GRM5: variants seen among roughly 807,000 people sequenced by gnomAD.
The protein encoded by GRM5 is glutamate metabotropic receptor 5.
GRM5 carries 19 observed loss-of-function variants against 83.1 expected under a neutral mutation model. That is an observed-to-expected ratio of 0.23 (90% CI 0.16 to 0.34). The LOEUF (loss-of-function observed/expected upper bound fraction) is 0.34. Among genes scored for constraint, GRM5 ranks in the 10% least tolerant of loss-of-function variants. The pLI is 1.00. For synonymous variants in GRM5, 675 were observed against 633.6 expected (o/e 1.07, Z -0.98); for missense variants, 1,160 against 1,588.3 (o/e 0.73, Z 4.58).
At chr11:88,923,117 C>G (rs1045102313) in intron 2 of GRM5, among the ~76,000 whole-genome samples, 3 of 152,034 alleles carry the variant, frequency 2.0e-5, no homozygotes, top group African/African-American at 4.8e-5. Context: ...ATATAAATTA[C>G]TACCACCACT....
rs1938420582 is a variant in GRM5 at position 88,614,665 on chromosome 11, G to A, written c.1148-9701C>T. On this transcript the variant is annotated intron_variant, in intron 4 of 9. Transcript: ENST00000305447. ...TGAATGGGGACAATATTGACAATTT[G>A]CATTTGCTTGGCACTTTTCAACATA... is the stretch of plus-strand genomic sequence containing the variant. Among the ~76,000 whole-genome samples the A allele has an allele frequency of 3.3e-5, 5 of 152,226 alleles. No homozygotes were observed. In the South Asian group the frequency reaches 1.0e-3, roughly 32 times the overall value.
chr11:88,683,389 T>G (rs1302081538), intron 3 of GRM5, among the ~76,000 whole-genome samples: 2 of 152,254 alleles, frequency 1.3e-5, no homozygotes, highest in Non-Finnish European at 2.9e-5. Context: ...ATGTAAACTA[T>G]GCACATAGTC....
At chr11:88,791,915 T>C (rs1943180822) in intron 3 of GRM5, among the ~76,000 whole-genome samples, 1 of 152,154 alleles carries the variant, frequency 6.6e-6, no homozygotes, top group African/African-American at 2.4e-5. Context: ...TAATAATTTG[T>C]AACATCCCAT....
At chr11:89,042,482 C>G (rs1452529115) in intron 2 of GRM5, among the ~76,000 whole-genome samples, 1 of 152,160 alleles carries the variant, frequency 6.6e-6, no homozygotes, top group Non-Finnish European at 1.5e-5. Context: ...AGATTAAATG[C>G]TGGCCTGAGA....
intron 3 of GRM5, among the ~76,000 whole-genome samples, chr11:88,679,641 CT>C (rs1478194647): frequency 6.6e-6 from 1 of 152,044 alleles, no homozygotes; most frequent in African/African-American, 2.4e-5. Flanking sequence ...GGCTCAAATA[CT>C]TTTATACTTT....
At chr11:89,017,144 G>C (rs967662445) in intron 2 of GRM5, among the ~76,000 whole-genome samples, 3 of 151,942 alleles carry the variant, frequency 2.0e-5, no homozygotes, top group Admixed American at 2.0e-4. Flanking sequence ...CTAAGCAAAC[G>C]TTTGACTCCA....
intron 2 of GRM5, among the ~76,000 whole-genome samples, chr11:88,995,111 C>A (rs532406998): frequency 1.3e-5 from 2 of 152,060 alleles, no homozygotes; most frequent in Non-Finnish European, 2.9e-5. Context: ...AATGATGATA[C>A]TGAAACTAAG....
chr11:88,526,257 G>T (rs80001652), intron 8 of GRM5, among the ~76,000 whole-genome samples: 4 of 152,128 alleles, frequency 2.6e-5, no homozygotes, highest in Non-Finnish European at 5.9e-5. Flanking sequence ...ACTCTTCTAC[G>T]TGGTGCATCA....
At chr11:88,853,043 T>A (rs1033579896) in intron 2 of GRM5, among the ~76,000 whole-genome samples, 14 of 152,248 alleles carry the variant, frequency 9.2e-5, no homozygotes, top group Non-Finnish European at 1.8e-4. Context: ...AAAGCTGTGG[T>A]ATAAAATATG....
At chr11:88,972,539 T>A (rs1300837394) in intron 2 of GRM5, among the ~76,000 whole-genome samples, 3 of 152,132 alleles carry the variant, frequency 2.0e-5, no homozygotes, top group Non-Finnish European at 4.4e-5. Flanking sequence ...ATATATAAAT[T>A]GGGGGTGGTG....
chr11:88,556,349 G>A (rs1942628399), intron 8 of GRM5, among the ~76,000 whole-genome samples: 1 of 144,180 alleles, frequency 6.9e-6, no homozygotes, highest in Admixed American at 6.9e-5. Flanking sequence ...TTTAGATGGA[G>A]TCTTGCTCTG....
chr11:89,019,362 T>C (rs760996704), intron 2 of GRM5, among the ~76,000 whole-genome samples: 3 of 152,080 alleles, frequency 2.0e-5, no homozygotes, highest in Non-Finnish European at 4.4e-5. Context: ...CACCATTCCA[T>C]ACTATCTAGG....
At chr11:88,799,841 C>G (rs1327398909) in intron 3 of GRM5, among the ~76,000 whole-genome samples, 1 of 152,056 alleles carries the variant, frequency 6.6e-6, no homozygotes, top group African/African-American at 2.4e-5. Flanking sequence ...GTTCTTAGCT[C>G]AAACTAAATA....
At chr11:89,012,496 A>AT (rs987678388) in intron 2 of GRM5, among the ~76,000 whole-genome samples, 1 of 152,098 alleles carries the variant, frequency 6.6e-6, no homozygotes, top group Non-Finnish European at 1.5e-5. Context: ...AAATAGGGGT[A>AT]TTTTTTGGGA....
chr11:89,028,878 G>T (rs947662195), intron 2 of GRM5, among the ~76,000 whole-genome samples: 3 of 152,086 alleles, frequency 2.0e-5, no homozygotes, highest in South Asian at 4.1e-4. Flanking sequence ...ATGGTGGTTT[G>T]CTGCACCCGT....
chr11:88,726,060 C>T (rs890844224), intron 3 of GRM5, among the ~76,000 whole-genome samples: 31 of 152,164 alleles, frequency 2.0e-4, no homozygotes, highest in African/African-American at 6.7e-4. Context: ...CAGAAGTAGG[C>T]TTCAGAAAGT....
At chr11:88,908,041 A>G (rs1244663585) in intron 2 of GRM5, among the ~76,000 whole-genome samples, 1 of 152,210 alleles carries the variant, frequency 6.6e-6, no homozygotes, top group Non-Finnish European at 1.5e-5. Context: ...ACAATTCCAC[A>G]GAAAACATGG....
intron 2 of GRM5, among the ~76,000 whole-genome samples, chr11:88,861,096 A>G (rs187843191): frequency 1.3e-5 from 2 of 152,316 alleles, no homozygotes; most frequent in East Asian, 3.9e-4. Context: ...ACTTTTTCTT[A>G]AAATTATAAA....
intron 8 of GRM5, among the ~76,000 whole-genome samples, chr11:88,557,988 C>A (rs907728300): frequency 2.6e-5 from 4 of 152,030 alleles, no homozygotes; most frequent in African/African-American, 4.8e-5. Flanking sequence ...GTGCATTTTT[C>A]TCTCTCATCA....
Sources: gnomAD v4.1 joint callset for allele counts (sites outside exome capture counted in the v4.1 genomes callset) on GRCh38, gnomAD v4.1.1 for gene constraint, MANE v1.5 for transcripts, NCBI Gene and HGNC (gene_info 2026-07-23, HGNC 2026-07-21) for gene names.